The following SUPT6H variants were observed in gnomAD, a reference collection of about 807,000 sequenced individuals.
The protein encoded by SUPT6H is transcription elongation factor SPT6.
In SUPT6H, 11 loss-of-function variants were observed where a neutral mutation model predicts 222.3. The ratio of observed to expected loss-of-function variants is 0.05; its 90% CI spans 0.03 to 0.08. SUPT6H has a LOEUF of 0.08. Among genes scored for constraint, SUPT6H ranks in the 10% least tolerant of loss-of-function variants. The pLI, the probability that SUPT6H is intolerant of heterozygous loss-of-function variation, is 1.00. For synonymous variants in SUPT6H, 762 were observed against 801.2 expected, an observed-to-expected ratio of 0.95 and a Z score of 0.83; for missense variants, 1,422 against 2,216.0, an observed-to-expected ratio of 0.64 and a Z score of 7.19.
chr17:28,680,428 T>C (rs1405951733), intron 11 of SUPT6H, among the ~76,000 whole-genome samples: 1 of 151,926 alleles, frequency 6.6e-6, no homozygotes, highest in Non-Finnish European at 1.5e-5. Flanking sequence ...TGAAACCCTG[T>C]CTCTACTAAA....
chr17:28,684,941 G>A lies in SUPT6H; in HGVS notation c.2467G>A (p.Glu823Lys). 2 of 1,614,142 alleles carry A rather than the reference G, an allele frequency of 1.2e-6. No individual in the cohort carries two copies. The highest frequency in any genetic ancestry group is 1.7e-6 in the Non-Finnish European group (2 of 1,180,010). ...HFTKRRTAWR[E>K]EEREKKAQDI... is the part of the protein sequence containing the mutation. ...TACCAAACGGCGAACTGCATGGAGA[G>A]AGGAAGAGCGGGAAAAGAAGGCAAG... is the stretch of plus-strand genomic sequence containing the variant. Residue 823 changes from glutamate (E) to lysine (K), a missense_variant, in exon 19 of 37, where the codon GAG (glutamate) becomes AAG (lysine). Transcript: ENST00000314616.
intron 27 of SUPT6H, among the ~76,000 whole-genome samples, chr17:28,692,234 G>A (rs981260395): frequency 3.3e-5 from 5 of 150,870 alleles, no homozygotes; most frequent in African/African-American, 1.2e-4. Context: ...TGAGGCAGGA[G>A]AATGGTGTGA....
intron 1 of SUPT6H, among the ~76,000 whole-genome samples, 185 bp from the exon 2 acceptor site, chr17:28,673,186 A>G (rs976509561): frequency 6.6e-6 from 1 of 151,594 alleles, no homozygotes; most frequent in East Asian, 1.9e-4. Flanking sequence ...GAGAGAAGCA[A>G]TGCTGGGAGG....
chr17:28,676,492 T>C (rs1391532996), intron 7 of SUPT6H, 62 bp downstream of exon 7: 3 of 1,603,756 alleles, frequency 1.9e-6, no homozygotes, highest in African/African-American at 1.3e-5. Flanking sequence ...CCAAGAAATA[T>C]TCTAGCAAAA....
At chr17:28,676,672 AT>A (rs1204048597) in intron 7 of SUPT6H, among the ~76,000 whole-genome samples, 2 of 152,154 alleles carry the variant, frequency 1.3e-5, no homozygotes, top group Non-Finnish European at 2.9e-5. Context: ...CACACCTATA[AT>A]CCCAGCACTT....
chr17:28,695,188 T>G, intron 28 of SUPT6H, 164 bp from the exon 29 acceptor site: 3 of 673,928 alleles, frequency 4.5e-6, no homozygotes, highest in Non-Finnish European at 7.5e-6. Context: ...CAGACAAGAT[T>G]CCACCCCAAA....
Position 28,696,971 on chromosome 17 carries a change from C to T in SUPT6H, c.4098C>T (p.His1366=). Residue 1366 remains histidine (H), a synonymous_variant, in exon 30 of 37, where the codon CAC becomes CAT. Coordinates refer to ENST00000314616, the MANE Select transcript of SUPT6H (RefSeq NM_003170.5). ...IIRPSSKGEN[H]LTVTWKVSDG... is the part of the protein sequence containing the mutation. ...GACCAAGCAGCAAGGGCGAGAACCA[C>T]CTGACAGTGACCTGGAAAGTCAGTG... is the stretch of plus-strand genomic sequence containing the variant. 6.2e-7 allele frequency: 1 copy of T among 1,614,048 alleles called. No homozygotes were observed. Among genetic ancestry groups the T allele is most frequent in the Non-Finnish European group, 8.5e-7 (1 of 1,180,036 alleles).
intron 12 of SUPT6H, among the ~76,000 whole-genome samples, chr17:28,681,614 A>G (rs535339248): frequency 1.3e-5 from 2 of 151,964 alleles, no homozygotes; most frequent in Non-Finnish European, 2.9e-5. Flanking sequence ...CCAACTGCTC[A>G]GGAGGCTGAG....
chr17:28,675,239 C>G, intron 5 of SUPT6H, 77 bp downstream of exon 5: 2 of 1,521,768 alleles, frequency 1.3e-6, no homozygotes, highest in East Asian at 4.5e-5. Flanking sequence ...AGGATGGAAA[C>G]CATTCTTTAG....
chr17:28,667,401 GTGTGTATATA>G (rs2030102351), intron 1 of SUPT6H, among the ~76,000 whole-genome samples: 2 of 20,032 alleles, frequency 1.0e-4, no homozygotes, highest in African/African-American at 2.4e-4. Context: ...AAAAGTGTGT[GTGTGTATATA>G]TATATATATA....
chr17:28,691,089 C>T, intron 27 of SUPT6H, 26 bp downstream of exon 27: 1 of 1,605,820 alleles, frequency 6.2e-7, no homozygotes, highest in Non-Finnish European at 8.5e-7. Context: ...TTATCCTGCT[C>T]AGTGGATTTC....
intron 23 of SUPT6H, among the ~76,000 whole-genome samples, chr17:28,687,808 G>GCGCC (rs2031463637): frequency 6.6e-6 from 1 of 152,136 alleles, no homozygotes; most frequent in Non-Finnish European, 1.5e-5. Context: ...ATGAGCCACT[G>GCGCC]CGCCCGGCCA....
Position 28,688,886 on chromosome 17 carries a change from A to G in SUPT6H, c.3135-468A>G. 1 of 166,548 alleles carries G rather than the reference A, an allele frequency of 6.0e-6. No homozygotes were observed. Among genetic ancestry groups the G allele is most frequent in the Non-Finnish European group, 1.3e-5 (1 of 77,232 alleles). 10.3% of individuals were successfully genotyped at this position (166,548 alleles called of 1,614,324 possible). A position where few individuals can be genotyped will look rare whatever the true frequency, so the allele number is the denominator to read the frequency against. On this transcript the variant is annotated intron_variant, in intron 24 of 36. Coordinates refer to ENST00000314616, the MANE Select transcript of SUPT6H (RefSeq NM_003170.5). This position sits in a 1 kb window ranked among gnomAD's most constrained non-coding sequence, Gnocchi z 4.3. ...GCCTGGGAAGGCTTTATGGGGGAAA[A>G]TAGCTATCAGCAAATTTTCAAAGGT...
chr17:28,697,097 C>T lies in SUPT6H; in HGVS notation c.4209+15C>T. On this transcript the variant is annotated intron_variant, in intron 30 of 36. Coordinates refer to ENST00000314616, the MANE Select transcript of SUPT6H (RefSeq NM_003170.5). ...TCAACAGTGAGGTGAGAGCCAGTGC[C>T]TGCCCACCTCCCATCCCACTCCTGC... The T allele has an allele frequency of 6.2e-7, 1 of 1,607,612 alleles. No individual in the cohort carries two copies. Among genetic ancestry groups the T allele is most frequent in the South Asian group, 1.1e-5 (1 of 90,856 alleles).
At chr17:28,695,071 T>A (rs902550295) in intron 28 of SUPT6H, 1 of 355,150 alleles carries the variant, frequency 2.8e-6, no homozygotes, top group Non-Finnish European at 5.2e-6. Flanking sequence ...ACTAGGCAAC[T>A]TCATGGGAGA....
chr17:28,667,096 T>C (rs1360831841), intron 1 of SUPT6H, among the ~76,000 whole-genome samples: 1 of 151,440 alleles, frequency 6.6e-6, no homozygotes, highest in Non-Finnish European at 1.5e-5. Flanking sequence ...CCATAAAATA[T>C]AGGATACAAG....
chr17:28,701,720 G>C lies in SUPT6H; in HGVS notation c.*95G>C. On this transcript the variant is annotated 3_prime_UTR_variant, in exon 37 of 37. Coordinates refer to ENST00000314616, the MANE Select transcript of SUPT6H (RefSeq NM_003170.5). ...CTGCCCCTCCTTTTATGTCCATAAA[G>C]TGGCGTGAAGTGAGACGTTCTCTTT... is the stretch of plus-strand genomic sequence containing the variant. The C allele has an allele frequency of 7.5e-7, 1 of 1,334,608 alleles. No individual in the cohort carries two copies. The highest frequency in any genetic ancestry group is 2.3e-5 in the East Asian group (1 of 42,750). 82.7% of individuals were successfully genotyped at this position (1,334,608 alleles called of 1,614,324 possible). A position where few individuals can be genotyped will look rare whatever the true frequency, so the allele number is the denominator to read the frequency against.
rs768520800 is a variant in SUPT6H, at chr17:28,701,091, C to T, written c.4957C>T (p.Pro1653Ser). 16 of 1,612,958 alleles carry T rather than the reference C, an allele frequency of 9.9e-6. No individual in the cohort carries two copies. Among genetic ancestry groups the T allele is most frequent in the Non-Finnish European group, 1.2e-5 (14 of 1,179,800 alleles). Residue 1653 changes from proline (P) to serine (S), a missense_variant, in exon 36 of 37, where the codon CCC (proline) becomes TCC (serine). Physicochemically the swap from Pro to Ser is moderately conservative, Grantham distance 74. This residue lies in a region of SUPT6H where 395 missense variants were observed against 580.6 expected (regional missense o/e 0.68). Coordinates refer to ENST00000314616, the MANE Select transcript of SUPT6H (RefSeq NM_003170.5). ...ACAGTCGGCCCAGGCCCAGCCCCAG[C>T]CCTCTTCCAGCTCCCGGCAACGGCA... ...TPQSAQAQPQ[P>S]SSSSRQRQQQ...
chr17:28,671,520 G>A (rs2030415829), intron 1 of SUPT6H, among the ~76,000 whole-genome samples: 1 of 152,198 alleles, frequency 6.6e-6, no homozygotes, highest in Non-Finnish European at 1.5e-5. Context: ...TGCTGAGTGT[G>A]TCAGCAGCCA....
Sources: gnomAD v4.1 joint callset for allele counts (sites outside exome capture counted in the v4.1 genomes callset) on GRCh38, gnomAD v4.1.1 for gene constraint, gnomAD v4.1.1 regional missense constraint, Gnocchi (gnomAD v3.1) non-coding constraint, MANE v1.5 for transcripts, NCBI Gene and HGNC (gene_info 2026-07-23, HGNC 2026-07-21) for gene names.